GOLM2: variants seen among roughly 807,000 people sequenced by gnomAD.
GOLM2 encodes golgi membrane protein 2.
Under a neutral mutation model 55.9 loss-of-function variants are expected in GOLM2, and 26 were observed. The ratio of observed to expected loss-of-function variants is 0.47; its 90% CI spans 0.34 to 0.65. The LOEUF (loss-of-function observed/expected upper bound fraction) is 0.65. Among genes scored for constraint, GOLM2 ranks in the 30% least tolerant of loss-of-function variants. The probability of loss-of-function intolerance (pLI) is 0.01; values close to 1 mark genes in which losing one functional copy is unlikely to be tolerated. For missense variants in GOLM2, 486 were observed against 531.8 expected (o/e 0.91, Z 0.85); for synonymous variants, 165 against 194.6 (o/e 0.85, Z 1.27).
intron 1 of GOLM2, among the ~76,000 whole-genome samples, chr15:44,314,402 T>C (rs2078894986): frequency 6.6e-6 from 1 of 151,568 alleles, no homozygotes; most frequent in Admixed American, 6.6e-5. Flanking sequence ...CTACTAAAAA[T>C]ACAGAAATTA....
In GOLM2 at chr15:44,413,448, T is replaced by C. The variant is rs1227388754; in HGVS notation, c.*42T>C. 1 of 1,387,424 alleles carries C rather than the reference T, an allele frequency of 7.2e-7. No individual in the cohort carries two copies. The highest frequency in any genetic ancestry group is 1.0e-6 in the Non-Finnish European group (1 of 984,366). 85.9% of individuals were successfully genotyped at this position (1,387,424 alleles called of 1,614,324 possible). On this transcript the variant is annotated 3_prime_UTR_variant, in exon 10 of 10. Coordinates refer to ENST00000299957, the MANE Select transcript of GOLM2 (RefSeq NM_138423.4). ...TCAGAAAACCTAAAGTGCTGTAAAA[T>C]GAAATCATTCTACTTTGTCCTTTCT...
intron 1 of GOLM2, among the ~76,000 whole-genome samples, chr15:44,302,320 T>A (rs2078804395): frequency 1.3e-5 from 2 of 150,948 alleles, no homozygotes; most frequent in Non-Finnish European, 3.0e-5. Context: ...AATTTTTGTA[T>A]TTTTAGTAAA....
At chr15:44,365,642 C>T (rs1446770342) in intron 6 of GOLM2, among the ~76,000 whole-genome samples, 3 of 151,992 alleles carry the variant, frequency 2.0e-5, no homozygotes, top group Non-Finnish European at 4.4e-5. Flanking sequence ...ACTGTGGAGA[C>T]ACTAAAATGC....
At chr15:44,370,955 C>T (rs2079325763) in intron 6 of GOLM2, among the ~76,000 whole-genome samples, 1 of 152,182 alleles carries the variant, frequency 6.6e-6, no homozygotes, top group Non-Finnish European at 1.5e-5. Context: ...CTACCACACC[C>T]AACCACCTCT....
At chr15:44,312,485 C>A (rs886587505) in intron 1 of GOLM2, among the ~76,000 whole-genome samples, 1 of 152,114 alleles carries the variant, frequency 6.6e-6, no homozygotes, top group Non-Finnish European at 1.5e-5. Context: ...ATCTGTCTTT[C>A]CTCTTTGTTA....
At position 44,338,487 on chromosome 15, in the gene GOLM2, A is replaced by G. The variant is rs192323180; in HGVS notation, c.802+170A>G. 7.9e-5 allele frequency among the ~76,000 whole-genome samples: 12 copies of G among 152,312 alleles called. No homozygotes were observed. The East Asian group carries it at 2.3e-3, about 29-fold the overall frequency. ...AGGACTTTTTTTGGATCCAACTTTT[A>G]TAAAATTTTTTGCTAAGATGTATAA... On this transcript the variant is annotated intron_variant, in intron 6 of 9. Coordinates refer to ENST00000299957, the MANE Select transcript of GOLM2 (RefSeq NM_138423.4).
intron 6 of GOLM2, among the ~76,000 whole-genome samples, chr15:44,367,826 C>G (rs1429589536): frequency 1.3e-5 from 2 of 150,818 alleles, no homozygotes; most frequent in Non-Finnish European, 3.0e-5. Flanking sequence ...CAACTGTCTT[C>G]TGGCCTTCAT....
intron 8 of GOLM2, among the ~76,000 whole-genome samples, chr15:44,394,346 C>A (rs941148629): frequency 7.9e-5 from 12 of 152,096 alleles, no homozygotes; most frequent in Admixed American, 2.6e-4. Context: ...TAGTTGATTT[C>A]ATCATTGCGA....
At chr15:44,346,168 T>C (rs141071294) in intron 6 of GOLM2, 1 of 152,090 alleles carries the variant, frequency 6.6e-6, no homozygotes, top group Non-Finnish European at 1.5e-5. Context: ...CTCCCAAAGT[T>C]CTGGGATTAC....
chr15:44,290,682 A>G (rs1217659557), intron 1 of GOLM2, among the ~76,000 whole-genome samples: 2 of 152,362 alleles, frequency 1.3e-5, no homozygotes, highest in Non-Finnish European at 2.9e-5. Context: ...CCTACTTGGC[A>G]TGGTTGAGCA....
intron 2 of GOLM2, among the ~76,000 whole-genome samples, chr15:44,326,580 T>G (rs1235953554): frequency 6.6e-6 from 1 of 151,672 alleles, no homozygotes; most frequent in Non-Finnish European, 1.5e-5. Context: ...TCTTTTTTTT[T>G]GCATGGATGC....
chr15:44,405,207 C>G (rs2079589871), intron 9 of GOLM2: 1 of 152,070 alleles, frequency 6.6e-6, no homozygotes, highest in Non-Finnish European at 1.5e-5. Context: ...ATTCCTTTCA[C>G]AAGAAAATAA....
At chr15:44,302,364 C>T (rs1274568842) in intron 1 of GOLM2, among the ~76,000 whole-genome samples, 1 of 151,552 alleles carries the variant, frequency 6.6e-6, no homozygotes, top group African/African-American at 2.4e-5. Context: ...AGGCTGGTCT[C>T]AAACTCCTGG....
At chr15:44,310,532 A>G (rs2078868882) in intron 1 of GOLM2, among the ~76,000 whole-genome samples, 1 of 150,142 alleles carries the variant, frequency 6.7e-6, no homozygotes, top group Non-Finnish European at 1.5e-5. Context: ...ACACATACAT[A>G]TTCAGATAGC....
chr15:44,403,184 C>T (rs768410038), intron 9 of GOLM2, 130 bp downstream of exon 9: 59 of 1,050,268 alleles, frequency 5.6e-5, no homozygotes, highest in East Asian at 7.9e-5. Context: ...TTCTTTGTGA[C>T]GGAATTTCGC....
chr15:44,337,365 C>T (rs929234468), intron 4 of GOLM2, among the ~76,000 whole-genome samples: 1 of 151,966 alleles, frequency 6.6e-6, no homozygotes, highest in East Asian at 1.9e-4. Flanking sequence ...CTCCTCCTTA[C>T]TGCCATCCTG....
At chr15:44,298,979 A>G (rs76029438) in intron 1 of GOLM2, among the ~76,000 whole-genome samples, 7,145 of 152,270 alleles carry the variant, frequency 0.047, 275 homozygotes, top group East Asian at 0.19. Flanking sequence ...ATACACAGAG[A>G]CACACAGACA....
intron 6 of GOLM2, among the ~76,000 whole-genome samples, chr15:44,361,608 A>G (rs2079240070): frequency 6.6e-6 from 1 of 152,160 alleles, no homozygotes; most frequent in Non-Finnish European, 1.5e-5. Flanking sequence ...GCCGAATTCT[A>G]CCAGAGGTAC....
chr15:44,331,931 A>T, intron 3 of GOLM2, 57 bp from the exon 4 acceptor site: 1 of 1,239,982 alleles, frequency 8.1e-7, no homozygotes, highest in Non-Finnish European at 1.2e-6. Flanking sequence ...ACTTCTGGAC[A>T]ACTTTGAGAA....
Sources: gnomAD v4.1 joint callset for allele counts (sites outside exome capture counted in the v4.1 genomes callset) on GRCh38, gnomAD v4.1.1 for gene constraint, MANE v1.5 for transcripts, NCBI Gene and HGNC (gene_info 2026-07-23, HGNC 2026-07-21) for gene names.